Variants in FAM3B observed in about 807,000 individuals in gnomAD.
FAM3B encodes FAM3 metabolism regulating signaling molecule B.
Under a neutral mutation model 28.4 loss-of-function variants are expected in FAM3B, and 29 were observed. The observed-to-expected ratio is 1.02, with a 90% CI of 0.76 to 1.39. The LOEUF is 1.39. FAM3B is among the 40% of genes most tolerant of loss of function. FAM3B has a pLI of 0.00. For missense variants in FAM3B, 266 were observed against 293.9 expected (o/e 0.91, Z 0.69); for synonymous variants, 91 against 103.0 (o/e 0.88, Z 0.71).
rs759538698 is a variant in FAM3B, at chr21:41,348,725, G to T, written c.618+1G>T. ...CCCTTCCGAAATTCAGAGAGAAAAG[G>T]TGAGTGGTTTTAAAATGTCCCTTCC... On this transcript the variant is annotated splice_donor_variant, in intron 7 of 7. Transcript: ENST00000357985. LOFTEE classifies it high-confidence loss of function. The T allele has an allele frequency of 4.0e-5, 65 of 1,614,120 alleles. No individual in the cohort carries two copies. In the Admixed American group the frequency reaches 1.1e-3, roughly 26 times the overall value.
At position 41,336,926 on chromosome 21, in the gene FAM3B, G is replaced by A. The variant is rs117972884; in HGVS notation, c.164-1452G>A. Among the ~76,000 whole-genome samples the A allele has an allele frequency of 1.9e-3, 282 of 152,260 alleles. 2 individuals are homozygous for A. In the East Asian group the frequency reaches 0.021, roughly 11 times the overall value. On this transcript the variant is annotated intron_variant, in intron 2 of 7. Coordinates refer to ENST00000357985, the MANE Select transcript of FAM3B (RefSeq NM_058186.4). ...CTTTTGGTTTCCATTTGCATGGAGT[G>A]TTTTTTCCATCCTTTCGCTTTCAAC...
chr21:41,315,729 G>A (rs2088743880), upstream of FAM3B, among the ~76,000 whole-genome samples: 1 of 152,096 alleles, frequency 6.6e-6, no homozygotes, highest in African/African-American at 2.4e-5. Flanking sequence ...TGCAGGTGGG[G>A]GTGAACTGGA....
chr21:41,320,291 T>G (rs1418611233), intron 1 of FAM3B: 1 of 152,142 alleles, frequency 6.6e-6, no homozygotes, highest in Non-Finnish European at 1.5e-5. Context: ...TTAAAATTTT[T>G]TGTAGACATG....
At chr21:41,304,795 A>G (rs1348133634) in intron 1 of FAM3B, among the ~76,000 whole-genome samples, 1 of 152,188 alleles carries the variant, frequency 6.6e-6, no homozygotes, top group Non-Finnish European at 1.5e-5. Flanking sequence ...GGAGGCTTTC[A>G]TCTGGTGCCA....
At chr21:41,311,654 A>C (rs2088714812) in intron 1 of FAM3B, among the ~76,000 whole-genome samples, 1 of 152,114 alleles carries the variant, frequency 6.6e-6, no homozygotes, top group East Asian at 1.9e-4. Flanking sequence ...TCCTTAGCAG[A>C]AGACAGCTGG....
intron 3 of FAM3B, among the ~76,000 whole-genome samples, chr21:41,341,442 T>G (rs1016840150): frequency 2.6e-5 from 4 of 152,236 alleles, no homozygotes; most frequent in Admixed American, 2.6e-4. Context: ...AAATGCAGCT[T>G]CCTCTTTCCT....
chr21:41,327,763 T>C (rs2088867101), intron 2 of FAM3B, among the ~76,000 whole-genome samples: 1 of 152,252 alleles, frequency 6.6e-6, no homozygotes, highest in East Asian at 1.9e-4. Context: ...CTACCTTTTC[T>C]ATCTTCCCTT....
At position 41,316,812 on chromosome 21, in the gene FAM3B, A is replaced by C. The variant is rs2088753073; in HGVS notation, c.-68A>C. 3 of 1,411,746 alleles carry C rather than the reference A, an allele frequency of 2.1e-6. No homozygotes were observed. The highest frequency in any genetic ancestry group is 2.8e-6 in the Non-Finnish European group (3 of 1,084,254). The allele number at this position is 1,411,746 out of a possible 1,614,324, so 87.5% of individuals were successfully genotyped here. On this transcript the variant is annotated 5_prime_UTR_variant, in exon 1 of 8. Coordinates refer to ENST00000357985, the MANE Select transcript of FAM3B (RefSeq NM_058186.4). ...TGCCCGCCCCTTGCCTTCCTGACCC[A>C]GGGGCTCCGCTGGCTGCGGTCGCCT...
At chr21:41,320,869 G>A (rs753154056) in intron 1 of FAM3B, 1 of 152,228 alleles carries the variant, frequency 6.6e-6, no homozygotes, top group Non-Finnish European at 1.5e-5. Flanking sequence ...AGGACACTTG[G>A]CTTATTTATT....
At chr21:41,327,984 G>A (rs1420487973) in intron 2 of FAM3B, among the ~76,000 whole-genome samples, 4 of 152,212 alleles carry the variant, frequency 2.6e-5, no homozygotes, top group Non-Finnish European at 5.9e-5. Context: ...AGAGGATTCT[G>A]TATCTAGTTT....
Position 41,322,980 on chromosome 21 carries a change from A to G in FAM3B, c.77A>G (p.Tyr26Cys). The G allele has an allele frequency of 6.2e-7, 1 of 1,612,460 alleles. No homozygotes were observed. Among genetic ancestry groups the G allele is most frequent in the Non-Finnish European group, 8.5e-7 (1 of 1,180,022 alleles). The change falls in exon 2 of 8, where the codon TAC (tyrosine) becomes TGC (cysteine). Residue 26 changes from tyrosine (Y) to cysteine (C), a missense_variant. Coordinates refer to ENST00000357985, the MANE Select transcript of FAM3B (RefSeq NM_058186.4). ...TCCTTGTGTGCCTGGTATTCGGGGT[A>G]CCTGCTCGCAGAGCTCATTCCAGAT... The part of the protein sequence containing the change: ...FASLCAWYSG[Y>C]LLAELIPDAP...
At position 41,342,422 on chromosome 21, in the gene FAM3B, A is replaced by G. The variant is rs370250470; in HGVS notation, c.288-2054A>G. Among the ~76,000 whole-genome samples, 23 of 152,294 alleles carry G rather than the reference A, an allele frequency of 1.5e-4. No individual in the cohort carries two copies. The South Asian group carries it at 3.3e-3, about 22-fold the overall frequency. On this transcript the variant is annotated intron_variant, in intron 3 of 7. Transcript: ENST00000357985. ...TTCTCTGCTCTTGTATCTTCTGCCCATTCACTTTCTCCTCTTCTTCTGAGA... is the reference window on the plus strand; with the variant it reads ...TTCTCTGCTCTTGTATCTTCTGCCCGTTCACTTTCTCCTCTTCTTCTGAGA...
In FAM3B at chr21:41,311,250, AAATATATATATATATATAT is replaced by A. The variant is rs1297503676; in HGVS notation, n.99+6942_99+6960del. Among the ~76,000 whole-genome samples, 35 of 55,970 alleles carry A rather than the reference AAATATATATATATATATAT, an allele frequency of 6.3e-4. 2 individuals are homozygous for A. The highest frequency in any genetic ancestry group is 1.6e-3 in the African/African-American group (20 of 12,830). 36.7% of individuals were successfully genotyped at this position (55,970 alleles called of 152,430 possible). A position where few individuals can be genotyped will look rare whatever the true frequency, so the allele number is the denominator to read the frequency against. On this transcript the variant is annotated intron_variant and non_coding_transcript_variant, in intron 1 of 9. Coordinates refer to the FAM3B transcript ENST00000479810. ...CCCTGTCTCTACAAAAAAAAAAAAA[AAATATATATATATATATAT>A]ATATATATATATATATATATATATA...
intron 2 of FAM3B, among the ~76,000 whole-genome samples, chr21:41,330,760 A>G (rs2088899220): frequency 6.6e-6 from 1 of 152,226 alleles, no homozygotes; most frequent in South Asian, 2.1e-4. Flanking sequence ...GTTGTCACAA[A>G]TGACAAGATT....
chr21:41,353,921 A>C (rs2145835800), intron 7 of FAM3B, among the ~76,000 whole-genome samples: 2 of 152,368 alleles, frequency 1.3e-5, no homozygotes, highest in African/African-American at 4.8e-5. Context: ...AATATCCAGC[A>C]TCTAAAGGAA....
intron 7 of FAM3B, among the ~76,000 whole-genome samples, chr21:41,353,001 A>G (rs915491041): frequency 1.1e-4 from 17 of 152,310 alleles, no homozygotes; most frequent in South Asian, 2.1e-4. Context: ...GAAAAACTCA[A>G]TTATACTTCT....
chr21:41,330,812 G>C (rs951429456), intron 2 of FAM3B, among the ~76,000 whole-genome samples: 4 of 152,176 alleles, frequency 2.6e-5, no homozygotes, highest in African/African-American at 9.7e-5. Context: ...TGTGCACTCT[G>C]TTATACCACA....
At chr21:41,317,636 C>A (rs1029834467) in intron 1 of FAM3B, among the ~76,000 whole-genome samples, 2 of 152,066 alleles carry the variant, frequency 1.3e-5, no homozygotes, top group Admixed American at 6.6e-5. Context: ...CCTGGAGCGA[C>A]GTAGCCTGGC....
intron 4 of FAM3B, 59 bp from the exon 5 acceptor site, chr21:41,345,627 C>A: frequency 9.6e-7 from 1 of 1,038,482 alleles, no homozygotes; most frequent in South Asian, 1.7e-5. Context: ...GCCCTGGTGC[C>A]ACAAGTGCGC....
Sources: allele counts gnomAD v4.1 joint callset (sites outside exome capture counted in the v4.1 genomes callset), GRCh38; gene constraint gnomAD v4.1.1; transcripts MANE v1.5; gene names NCBI Gene and HGNC (gene_info 2026-07-23, HGNC 2026-07-21).